DCAF17: variants seen among roughly 807,000 people sequenced by gnomAD.
The protein encoded by DCAF17 is DDB1- and CUL4-associated factor 17.
DCAF17 carries 48 observed loss-of-function variants against 66.0 expected under a neutral mutation model. That is an observed-to-expected ratio of 0.73 (90% CI 0.58 to 0.92). The LOEUF (loss-of-function observed/expected upper bound fraction) is 0.92. Among genes scored for constraint, DCAF17 ranks in the 40% least tolerant of loss-of-function variants. The pLI, the probability that DCAF17 is intolerant of heterozygous loss-of-function variation, is 0.00. For synonymous variants in DCAF17, 206 were observed against 214.6 expected, an observed-to-expected ratio of 0.96 and a Z score of 0.35; for missense variants, 562 against 622.8, an observed-to-expected ratio of 0.90 and a Z score of 1.04.
chr2:171,441,742 C>T lies in DCAF17; in HGVS notation c.231-1781C>T, dbSNP rs189327037. Among the ~76,000 whole-genome samples the T allele has an allele frequency of 1.5e-3, 236 of 152,346 alleles. 3 individuals are homozygous for T. The highest frequency in any genetic ancestry group is 1.6e-3 in the Non-Finnish European group (112 of 68,034). On this transcript the variant is annotated intron_variant, in intron 2 of 13. Coordinates refer to ENST00000375255, the MANE Select transcript of DCAF17 (RefSeq NM_025000.4). ...TGCCCTGGTTCAGACACCACAGACT[C>T]ACTATTCTTACTGAGCAGTAGTAGG...
At chr2:171,459,126 G>A (rs1397002970) in intron 8 of DCAF17, among the ~76,000 whole-genome samples, 1 of 151,802 alleles carries the variant, frequency 6.6e-6, no homozygotes, top group African/African-American at 2.4e-5. Flanking sequence ...CCTGACCAAC[G>A]TGGAGAAACC....
chr2:171,449,898 C>T lies in DCAF17; in HGVS notation c.478C>T (p.Pro160Ser), dbSNP rs1038130493. Residue 160 changes from proline (P) to serine (S), a missense_variant, in exon 5 of 14, where the codon CCT becomes TCT. Pro to Ser is a moderately conservative substitution (Grantham distance 74). Coordinates refer to ENST00000375255, the MANE Select transcript of DCAF17 (RefSeq NM_025000.4). ...CKFRYLSWDT[P>S]QEVIAVKSAQ... ...TAAAAGATACTTGAGCTGGGACACTCCTCAAGAAGTCATTGCAGTTAAGTC... is the reference window on the plus strand; with the variant it reads ...TAAAAGATACTTGAGCTGGGACACTTCTCAAGAAGTCATTGCAGTTAAGTC... The T allele has an allele frequency of 1.2e-6, 2 of 1,613,622 alleles. No individual in the cohort carries two copies. The highest frequency in any genetic ancestry group is 1.7e-5 in the Admixed American group (1 of 59,992).
At chr2:171,449,494 T>C (rs372547092) in intron 4 of DCAF17, among the ~76,000 whole-genome samples, 2 of 152,242 alleles carry the variant, frequency 1.3e-5, no homozygotes, top group African/African-American at 4.8e-5. Flanking sequence ...ACTGTTATTT[T>C]AACTATTAGT....
rs1281256690 is a variant in DCAF17, at chr2:171,484,344, C to T, written c.*3230C>T. 1.5e-5 allele frequency: 6 copies of T among 399,646 alleles called. No homozygotes were observed. Among genetic ancestry groups the T allele is most frequent in the East Asian group, 1.4e-4 (2 of 13,950 alleles). The allele number at this position is 399,646 out of a possible 1,614,324, so 24.8% of individuals were successfully genotyped here. A position where few individuals can be genotyped will look rare whatever the true frequency, so the allele number is the denominator to read the frequency against. ...ACATACAATAGAAAGATAAGACCTACTGAGGTCTTTTTCCCATCATTTTAT... is the reference window on the plus strand; with the variant it reads ...ACATACAATAGAAAGATAAGACCTATTGAGGTCTTTTTCCCATCATTTTAT... On this transcript the variant is annotated 3_prime_UTR_variant, in exon 14 of 14. Transcript: ENST00000375255.
rs1696262446 is a variant in DCAF17 at position 171,471,926 on chromosome 2, A to T, written c.982-1940A>T. Among the ~76,000 whole-genome samples, 11 of 152,062 alleles carry T rather than the reference A, an allele frequency of 7.2e-5. No homozygotes were observed. The South Asian group carries it at 2.3e-3, about 32-fold the overall frequency. ...GCTACTTGGGAGGCTGAGGTGAGAG[A>T]ATTGATTGAGGCCAAGAGGTCAAGG... On this transcript the variant is annotated intron_variant, in intron 9 of 13. Coordinates refer to ENST00000375255, the MANE Select transcript of DCAF17 (RefSeq NM_025000.4).
chr2:171,476,553 A>G (rs959656990), intron 10 of DCAF17, among the ~76,000 whole-genome samples: 4 of 152,222 alleles, frequency 2.6e-5, no homozygotes, highest in Admixed American at 1.3e-4. Context: ...AGCAGAGGTA[A>G]GGTTCTTCAG....
rs1317202987 is a variant in DCAF17 at position 171,483,149 on chromosome 2, A to G, written c.*2035A>G. 1.8e-5 allele frequency: 8 copies of G among 454,038 alleles called. No individual in the cohort carries two copies. The highest frequency in any genetic ancestry group is 9.3e-5 in the South Asian group (6 of 64,488). 28.1% of individuals were successfully genotyped at this position (454,038 alleles called of 1,614,324 possible). A position where few individuals can be genotyped will look rare whatever the true frequency, so the allele number is the denominator to read the frequency against. ...GGGAATTTGGATACCACACATAGCGAGAGACAATGAAGCATGCTTCCCAGC... is the reference window on the plus strand; with the variant it reads ...GGGAATTTGGATACCACACATAGCGGGAGACAATGAAGCATGCTTCCCAGC... On this transcript the variant is annotated 3_prime_UTR_variant, in exon 14 of 14. Transcript: ENST00000375255.
rs1003683367 is a variant in DCAF17 at position 171,482,326 on chromosome 2, A to C, written c.*1212A>C. The C allele has an allele frequency of 2.2e-6, 1 of 453,700 alleles. No homozygotes were observed. The highest frequency in any genetic ancestry group is 2.4e-5 in the Admixed American group (1 of 42,534). 28.1% of individuals were successfully genotyped at this position (453,700 alleles called of 1,614,324 possible). On this transcript the variant is annotated 3_prime_UTR_variant, in exon 14 of 14. Coordinates refer to ENST00000375255, the MANE Select transcript of DCAF17 (RefSeq NM_025000.4). ...TTCAAGTTTAAGGTTAAAATATGGA[A>C]TTTTTAGCTTGGATGATTTATATTA...
At chr2:171,451,284 A>G (rs1694937564) in intron 5 of DCAF17, among the ~76,000 whole-genome samples, 1 of 151,964 alleles carries the variant, frequency 6.6e-6, no homozygotes. Context: ...CCTACCCTTT[A>G]CTAATCCTGC....
chr2:171,443,356 T>TA, intron 2 of DCAF17, 167 bp from the exon 3 acceptor site: 5 of 554,838 alleles, frequency 9.0e-6, no homozygotes, highest in Non-Finnish European at 1.6e-5. Context: ...TGTTTTTTTT[T>TA]ATATGAATTA....
chr2:171,448,371 A>G (rs1694753992), intron 3 of DCAF17, among the ~76,000 whole-genome samples: 1 of 151,820 alleles, frequency 6.6e-6, no homozygotes. Flanking sequence ...TCACAGAGGT[A>G]GCATCATTGT....
chr2:171,460,604 C>G (rs1363752658), intron 8 of DCAF17, among the ~76,000 whole-genome samples: 1 of 151,892 alleles, frequency 6.6e-6, no homozygotes, highest in African/African-American at 2.4e-5. Context: ...GATCACAGCT[C>G]ACTGCCACCT....
At chr2:171,437,852 G>A (rs1406842351) in intron 2 of DCAF17, among the ~76,000 whole-genome samples, 1 of 152,012 alleles carries the variant, frequency 6.6e-6, no homozygotes, top group Non-Finnish European at 1.5e-5. Flanking sequence ...TTGATTTTTG[G>A]TTTTCAATTT....
intron 8 of DCAF17, among the ~76,000 whole-genome samples, chr2:171,463,301 TA>T (rs1241166362): frequency 6.2e-3 from 782 of 125,492 alleles, no homozygotes; most frequent in Admixed American, 7.2e-3. Context: ...TACTATTAAG[TA>T]AAAAAAAAAA....
At chr2:171,460,658 GTAGC>G (rs1443271950) in intron 8 of DCAF17, among the ~76,000 whole-genome samples, 1 of 152,000 alleles carries the variant, frequency 6.6e-6, no homozygotes, top group Non-Finnish European at 1.5e-5. Context: ...AGCCTCCCAA[GTAGC>G]TGGGACTACA....
At chr2:171,436,019 C>T (rs1693912945) in intron 2 of DCAF17, among the ~76,000 whole-genome samples, 1 of 152,182 alleles carries the variant, frequency 6.6e-6, no homozygotes, top group African/African-American at 2.4e-5. Flanking sequence ...TAAGCAACCA[C>T]TAGTCTGTTT....
intron 8 of DCAF17, among the ~76,000 whole-genome samples, chr2:171,459,720 A>T (rs1450434645): frequency 6.6e-6 from 1 of 152,246 alleles, no homozygotes; most frequent in Admixed American, 6.5e-5. Flanking sequence ...AAAAGGAAAA[A>T]AATATTATTT....
chr2:171,449,595 G>C (rs1324550185), intron 4 of DCAF17, among the ~76,000 whole-genome samples: 2 of 152,098 alleles, frequency 1.3e-5, no homozygotes, highest in Non-Finnish European at 2.9e-5. Flanking sequence ...TTTTAAAGTA[G>C]AAATGATTAT....
intron 8 of DCAF17, among the ~76,000 whole-genome samples, chr2:171,463,240 ACAG>A (rs1695699563): frequency 1.3e-5 from 2 of 151,524 alleles, no homozygotes; most frequent in African/African-American, 4.9e-5. Context: ...AAAAAAAAAA[ACAG>A]AAAGAAGAAT....
Sources: gnomAD v4.1 joint callset for allele counts (sites outside exome capture counted in the v4.1 genomes callset) on GRCh38, gnomAD v4.1.1 for gene constraint, MANE v1.5 for transcripts, NCBI Gene and HGNC (gene_info 2026-07-23, HGNC 2026-07-21) for gene names.